Variants in RBMS3 observed in about 807,000 individuals in gnomAD.
RBMS3 encodes the protein RNA binding motif single stranded interacting protein 3, also known as RNA-binding motif, single-stranded-interacting protein 3.
Under a neutral mutation model 66.8 loss-of-function variants are expected in RBMS3, and 27 were observed. The observed-to-expected ratio is 0.40, with a 90% CI of 0.30 to 0.56. RBMS3 has a LOEUF of 0.56. Ranked by LOEUF, RBMS3 falls within the 20% of genes least tolerant of loss-of-function variation. The probability of loss-of-function intolerance (pLI) is 0.40; values close to 1 mark genes in which losing one functional copy is unlikely to be tolerated. For synonymous variants in RBMS3, 188 were observed against 183.0 expected, an observed-to-expected ratio of 1.03 and a Z score of -0.22; for missense variants, 513 against 549.5, an observed-to-expected ratio of 0.93 and a Z score of 0.66.
At chr3:29,926,240 T>C (rs960296489) in intron 10 of RBMS3, among the ~76,000 whole-genome samples, 1 of 152,156 alleles carries the variant, frequency 6.6e-6, no homozygotes, top group African/African-American at 2.4e-5. Context: ...AGGAGTAAAT[T>C]AGTTCTTTAA....
At chr3:29,867,517 G>A (rs1315258713) in intron 6 of RBMS3, among the ~76,000 whole-genome samples, 1 of 141,058 alleles carries the variant, frequency 7.1e-6, no homozygotes, top group Non-Finnish European at 1.5e-5. Flanking sequence ...TATGGCCTTG[G>A]CTGGAATGTT....
intron 4 of RBMS3, among the ~76,000 whole-genome samples, chr3:29,737,193 T>A (rs1018068743): frequency 2.0e-5 from 3 of 152,158 alleles, no homozygotes; most frequent in Admixed American, 2.0e-4. Flanking sequence ...GCCAGGGTGG[T>A]CTCGACCTCC....
At chr3:29,487,911 T>C (rs2043381689) in intron 2 of RBMS3, among the ~76,000 whole-genome samples, 2 of 152,204 alleles carry the variant, frequency 1.3e-5, no homozygotes, top group Admixed American at 6.5e-5. Context: ...CCGTATATTC[T>C]TTTAACTACT....
At chr3:29,317,672 A>G (rs1178944520) in intron 1 of RBMS3, among the ~76,000 whole-genome samples, 2 of 151,906 alleles carry the variant, frequency 1.3e-5, no homozygotes, top group Non-Finnish European at 1.5e-5. Flanking sequence ...GTGTATTTAC[A>G]TAGTGAAGAT....
chr3:29,554,399 G>GT (rs1298276127), intron 3 of RBMS3, among the ~76,000 whole-genome samples: 3 of 152,308 alleles, frequency 2.0e-5, no homozygotes, highest in African/African-American at 7.2e-5. Context: ...TCACTAAGCA[G>GT]TAACAGTCAA....
intron 5 of RBMS3, among the ~76,000 whole-genome samples, chr3:29,748,071 G>A (rs764655854): frequency 5.3e-5 from 8 of 152,146 alleles, no homozygotes; most frequent in Non-Finnish European, 1.0e-4. Flanking sequence ...GAGAGTATGG[G>A]GCAATAGGAA....
chr3:29,517,760 A>G lies in RBMS3; in HGVS notation c.307+29261A>G, dbSNP rs1246058260. On this transcript the variant is annotated intron_variant, in intron 3 of 14. Coordinates refer to ENST00000383767, the MANE Select transcript of RBMS3 (RefSeq NM_001003793.3). ...TTTTATCTTACAGAAGATGTTTTCAATAAGTTAAGAGAAGAAATCATATAG... is the reference window on the plus strand; with the variant it reads ...TTTTATCTTACAGAAGATGTTTTCAGTAAGTTAAGAGAAGAAATCATATAG... Among the ~76,000 whole-genome samples, 5 of 152,206 alleles carry G rather than the reference A, an allele frequency of 3.3e-5. No individual in the cohort carries two copies. The South Asian group carries it at 8.3e-4, about 25-fold the overall frequency.
At chr3:29,813,760 C>T (rs998738109) in intron 6 of RBMS3, among the ~76,000 whole-genome samples, 15 of 152,040 alleles carry the variant, frequency 9.9e-5, no homozygotes, top group African/African-American at 3.6e-4. Context: ...TGGGAGTTCA[C>T]TCATGATTTG....
chr3:29,951,927 T>C (rs1695707987), intron 12 of RBMS3, among the ~76,000 whole-genome samples: 1 of 151,724 alleles, frequency 6.6e-6, no homozygotes, highest in Non-Finnish European at 1.5e-5. Flanking sequence ...TGAAAAAATC[T>C]AGAAAAGAAT....
At chr3:29,771,622 T>C (rs1344257322) in intron 6 of RBMS3, among the ~76,000 whole-genome samples, 2 of 152,006 alleles carry the variant, frequency 1.3e-5, no homozygotes, top group Non-Finnish European at 2.9e-5. Flanking sequence ...AAAATTATTG[T>C]GTTAGTTTGT....
chr3:29,767,910 C>T (rs1412618664), intron 6 of RBMS3, among the ~76,000 whole-genome samples: 1 of 151,890 alleles, frequency 6.6e-6, no homozygotes, highest in Non-Finnish European at 1.5e-5. Flanking sequence ...ATTAAGTCCA[C>T]AAATACAACT....
intron 6 of RBMS3, among the ~76,000 whole-genome samples, chr3:29,860,967 C>T (rs566613966): frequency 4.0e-4 from 61 of 152,242 alleles, no homozygotes; most frequent in Non-Finnish European, 7.6e-4. Context: ...CGGTTCACGC[C>T]ATTCTCCTGC....
chr3:29,477,645 T>C (rs1302657665), intron 2 of RBMS3, among the ~76,000 whole-genome samples: 2 of 151,854 alleles, frequency 1.3e-5, no homozygotes, highest in Admixed American at 6.6e-5. Flanking sequence ...CAAAATCCTA[T>C]TGGATCATAA....
At chr3:29,336,990 T>G (rs2125527878) in intron 1 of RBMS3, among the ~76,000 whole-genome samples, 1 of 152,236 alleles carries the variant, frequency 6.6e-6, no homozygotes, top group Non-Finnish European at 1.5e-5. Flanking sequence ...TCTGAAACGG[T>G]TTTTTAAAAT....
chr3:29,386,423 A>G (rs544376021), intron 1 of RBMS3, among the ~76,000 whole-genome samples: 11 of 152,116 alleles, frequency 7.2e-5, no homozygotes, highest in Non-Finnish European at 1.3e-4. Context: ...AAATGATCCC[A>G]CTATAACACC....
intron 4 of RBMS3, among the ~76,000 whole-genome samples, chr3:29,648,121 G>A (rs2050005849): frequency 6.6e-6 from 1 of 151,964 alleles, no homozygotes; most frequent in Non-Finnish European, 1.5e-5. Flanking sequence ...AAACCCTGAT[G>A]TTGTCCCTTG....
At chr3:29,647,289 T>G (rs2049959110) in intron 4 of RBMS3, among the ~76,000 whole-genome samples, 1 of 152,188 alleles carries the variant, frequency 6.6e-6, no homozygotes, top group Non-Finnish European at 1.5e-5. Flanking sequence ...TCTTTTCTTT[T>G]TTATCAAATG....
At chr3:29,490,239 G>T (rs1192038722) in intron 3 of RBMS3, among the ~76,000 whole-genome samples, 1 of 149,682 alleles carries the variant, frequency 6.7e-6, no homozygotes, top group Non-Finnish European at 1.5e-5. Context: ...TGTTATTTCA[G>T]CAAAGGTGTG....
rs538022029 is a variant in RBMS3, at chr3:29,902,540, CA to C, written c.939+2786del. The stretch of plus-strand genomic sequence containing the variant: ...TTTCACTTACTTTCTAAACATTCAA[CA>C]CCTAAAACTTAAAAAAAAATGCCCA... On this transcript the variant is annotated intron_variant, in intron 10 of 14. Coordinates refer to ENST00000383767, the MANE Select transcript of RBMS3 (RefSeq NM_001003793.3). Among the ~76,000 whole-genome samples the C allele has an allele frequency of 1.7e-4, 26 of 151,386 alleles. No homozygotes were observed. In the East Asian group the frequency reaches 4.9e-3, roughly 28 times the overall value.
Sources: gnomAD v4.1 joint callset for allele counts (sites outside exome capture counted in the v4.1 genomes callset) on GRCh38, gnomAD v4.1.1 for gene constraint, MANE v1.5 for transcripts, NCBI Gene and HGNC (gene_info 2026-07-23, HGNC 2026-07-21) for gene names.